GAK: variants seen among roughly 807,000 people sequenced by gnomAD.
GAK encodes the protein cyclin-G-associated kinase.
GAK carries 79 observed loss-of-function variants against 143.9 expected under a neutral mutation model. The observed-to-expected ratio is 0.55, with a 90% CI of 0.46 to 0.66. The LOEUF (loss-of-function observed/expected upper bound fraction) is 0.66, where lower values mean the gene tolerates loss of function less well. GAK is among the 30% of genes least tolerant of loss of function. The pLI is 0.00. For synonymous variants in GAK, 881 were observed against 765.5 expected (o/e 1.15, Z -2.49); for missense variants, 1,693 against 1,779.7 (o/e 0.95, Z 0.88).
intron 23 of GAK, among the ~76,000 whole-genome samples, chr4:863,513 G>T (rs1750647610): frequency 6.6e-6 from 1 of 152,152 alleles, no homozygotes; most frequent in Non-Finnish European, 1.5e-5. Context: ...TTTGTGAAAG[G>T]GAGAGACAAT....
At chr4:908,170 A>G (rs965420431) in intron 4 of GAK, among the ~76,000 whole-genome samples, 5 of 152,172 alleles carry the variant, frequency 3.3e-5, no homozygotes, top group African/African-American at 1.2e-4. Context: ...CAAAACATCC[A>G]TCACTAGACC....
At chr4:891,955 C>T (rs912648363) in intron 9 of GAK, among the ~76,000 whole-genome samples, 2 of 152,176 alleles carry the variant, frequency 1.3e-5, no homozygotes, top group South Asian at 4.1e-4. Flanking sequence ...AGCACCAGGG[C>T]TCCCTCTGCT....
chr4:882,133 C>T, intron 14 of GAK, 93 bp from the exon 15 acceptor site: 5 of 1,318,780 alleles, frequency 3.8e-6, no homozygotes, highest in Non-Finnish European at 5.2e-6. Flanking sequence ...CCTGTGGCTG[C>T]AGGGACGCAG....
chr4:854,212 G>T (rs953659831), intron 24 of GAK, among the ~76,000 whole-genome samples: 3 of 151,830 alleles, frequency 2.0e-5, no homozygotes, highest in African/African-American at 7.3e-5. Flanking sequence ...AAGGTCAGCA[G>T]ATAAACAAGT....
At position 883,314 on chromosome 4, in the gene GAK, C is replaced by G. The variant is rs1373426072; in HGVS notation, c.1404+1G>C. The G allele has an allele frequency of 6.2e-7, 1 of 1,613,122 alleles. No individual in the cohort carries two copies. Among genetic ancestry groups the G allele is most frequent in the Non-Finnish European group, 8.5e-7 (1 of 1,179,870 alleles). On this transcript the variant is annotated splice_donor_variant, in intron 13 of 27. Coordinates refer to ENST00000314167, the MANE Select transcript of GAK (RefSeq NM_005255.4). LOFTEE classifies it high-confidence loss of function. Reference sequence around the variant, plus strand: ...CCAAGACAAAGCCTGTGGCCACACACCCGGTTGTGGAACCTGGAGGGCCGG... The same window carrying G: ...CCAAGACAAAGCCTGTGGCCACACAGCCGGTTGTGGAACCTGGAGGGCCGG...
rs777823118 is a variant in GAK, at chr4:851,789, C to T, written c.3469G>A (p.Gly1157Arg). The change falls in exon 25 of 28, where the codon GGG (glycine) becomes AGG (arginine). Residue 1157 changes from glycine (G) to arginine (R), a missense_variant. Gly to Arg is a moderately radical substitution (Grantham distance 125, BLOSUM62 -2). Around this residue, in one of 2 missense-constraint regions of GAK, gnomAD observed 822 missense variants for 788.7 expected, o/e 1.04. Transcript: ENST00000314167. ...CGGACCCCCCGCTCCTCCCGCGCCC[C>T]GATCACACTGAAGTTCGAGGCATAG... Reference protein sequence around the residue: ...PNYASNFSVIGAREERGVRAP... With the variant: ...PNYASNFSVIRAREERGVRAP... 71 of 1,612,880 alleles carry T rather than the reference C, an allele frequency of 4.4e-5. No individual in the cohort carries two copies. Among genetic ancestry groups the T allele is most frequent in the African/African-American group, 1.1e-4 (8 of 75,058 alleles).
At chr4:928,607 ACC>A (rs1384177037) in intron 1 of GAK, among the ~76,000 whole-genome samples, 1 of 152,142 alleles carries the variant, frequency 6.6e-6, no homozygotes, top group East Asian at 1.9e-4. Context: ...CACTGAGCCC[ACC>A]TTGGAGACAT....
At chr4:896,372 C>A (rs1718772284) in intron 7 of GAK, 88 bp downstream of exon 7, 1 of 1,005,024 alleles carries the variant, frequency 1.0e-6, no homozygotes, top group Non-Finnish European at 1.6e-6. Flanking sequence ...CAGGCCAGTT[C>A]CGAGTGGCAG....
At chr4:877,941 A>T (rs1714309754) in intron 15 of GAK, 132 bp from the exon 16 acceptor site, 2 of 651,748 alleles carry the variant, frequency 3.1e-6, no homozygotes, top group East Asian at 5.9e-5. Flanking sequence ...GCTCCTAACA[A>T]ATCTGATGTT....
intron 1 of GAK, among the ~76,000 whole-genome samples, chr4:925,842 C>T (rs1441786586): frequency 2.0e-5 from 3 of 152,192 alleles, no homozygotes; most frequent in Admixed American, 6.5e-5. Flanking sequence ...GGTTTATAGG[C>T]CCCCAGTGTA....
chr4:849,834 ACCC>A, intron 27 of GAK, 55 bp downstream of exon 27: 1 of 942,246 alleles, frequency 1.1e-6, no homozygotes, highest in Non-Finnish European at 1.6e-6. Context: ...GCGGGGCAGG[ACCC>A]CCCCCCCGCC....
At chr4:929,015 G>C (rs1309322488) in intron 1 of GAK, among the ~76,000 whole-genome samples, 1 of 152,182 alleles carries the variant, frequency 6.6e-6, no homozygotes, top group Non-Finnish European at 1.5e-5. Flanking sequence ...ACCCGCCTCG[G>C]CCTCCCAAAG....
chr4:882,199 G>A lies in GAK; in HGVS notation c.1528-159C>T, dbSNP rs1009380849. On this transcript the variant is annotated intron_variant, in intron 14 of 27. Coordinates refer to ENST00000314167, the MANE Select transcript of GAK (RefSeq NM_005255.4). ...TAGGGAGCTACATAACGTGCCTGCC[G>A]AGGCAAGAATGGAGCCCAACAGAGA... Among the ~76,000 whole-genome samples, 4 of 152,206 alleles carry A rather than the reference G, an allele frequency of 2.6e-5. No individual in the cohort carries two copies. In the South Asian group the frequency reaches 8.3e-4, roughly 31 times the overall value.
In GAK at chr4:868,720, T is replaced by A. The variant is rs186274545; in HGVS notation, c.2249-35A>T. The A allele has an allele frequency of 1.7e-4, 265 of 1,538,944 alleles. No individual in the cohort carries two copies. The African/African-American group carries it at 3.4e-3, about 20-fold the overall frequency. On this transcript the variant is annotated intron_variant, in intron 19 of 27. Coordinates refer to ENST00000314167, the MANE Select transcript of GAK (RefSeq NM_005255.4). ...AGGGAGGGCGTCAGGGCACTGGCACTGGCCAGCAGCCTCGGGGCAACACTG... is the reference window on the plus strand; with the variant it reads ...AGGGAGGGCGTCAGGGCACTGGCACAGGCCAGCAGCCTCGGGGCAACACTG...
intron 1 of GAK, among the ~76,000 whole-genome samples, chr4:922,241 G>A (rs771656034): frequency 1.5e-4 from 23 of 152,052 alleles, no homozygotes; most frequent in Non-Finnish European, 2.8e-4. Flanking sequence ...TCGGCCGGGC[G>A]CGGTGGCTCA....
intron 23 of GAK, among the ~76,000 whole-genome samples, chr4:860,751 T>A (rs1422352526): frequency 2.0e-5 from 3 of 147,974 alleles, no homozygotes; most frequent in African/African-American, 7.5e-5. Flanking sequence ...CACTGTGCAC[T>A]CGAGGGGACG....
rs549118431 is a variant in GAK at position 891,977 on chromosome 4, C to T, written c.991-1355G>A. 2.4e-4 allele frequency among the ~76,000 whole-genome samples: 37 copies of T among 152,310 alleles called. 1 individual carries two copies. Among genetic ancestry groups the T allele is most frequent in the Middle Eastern group, 6.8e-3 (2 of 294 alleles). ...GGGCTCCCTCTGCTGGTGCACCCAC[C>T]ATGATGGCCGCCAGAGAGGGGCACC... is the stretch of plus-strand genomic sequence containing the variant. On this transcript the variant is annotated intron_variant, in intron 9 of 27. Coordinates refer to ENST00000314167, the MANE Select transcript of GAK (RefSeq NM_005255.4).
intron 15 of GAK, among the ~76,000 whole-genome samples, 160 bp from the exon 16 acceptor site, chr4:877,969 A>G (rs1714321480): frequency 6.6e-6 from 1 of 151,516 alleles, no homozygotes; most frequent in South Asian, 2.1e-4. Context: ...TCATTTAGTT[A>G]TATATATATG....
chr4:892,417 G>A (rs889723854), intron 9 of GAK, among the ~76,000 whole-genome samples: 38 of 152,346 alleles, frequency 2.5e-4, no homozygotes, highest in Admixed American at 8.5e-4. Flanking sequence ...GGGCCGGGCC[G>A]CGTGTCTGCT....
Sources: allele counts gnomAD v4.1 joint callset (sites outside exome capture counted in the v4.1 genomes callset), GRCh38; gene constraint gnomAD v4.1.1; regional missense constraint gnomAD v4.1.1; transcripts MANE v1.5; gene names NCBI Gene and HGNC (gene_info 2026-07-23, HGNC 2026-07-21).